The following PDZD8 variants were observed in gnomAD, a reference collection of about 807,000 sequenced individuals.
PDZD8 encodes the protein PDZ domain-containing protein 8.
A neutral mutation model predicts 85.8 loss-of-function variants in PDZD8; 14 were observed. The observed-to-expected ratio is 0.16, with a 90% CI of 0.11 to 0.26. The LOEUF is 0.26. PDZD8 is among the 10% of genes least tolerant of loss of function. The pLI, the probability that PDZD8 is intolerant of heterozygous loss-of-function variation, is 1.00. For missense variants in PDZD8, 1,197 were observed against 1,424.3 expected, an observed-to-expected ratio of 0.84 and a Z score of 2.57; for synonymous variants, 592 against 568.6, an observed-to-expected ratio of 1.04 and a Z score of -0.59.
chr10:117,343,033 T>C (rs1411025362), intron 1 of PDZD8, among the ~76,000 whole-genome samples: 1 of 150,982 alleles, frequency 6.6e-6, no homozygotes, highest in Non-Finnish European at 1.5e-5. Flanking sequence ...TGCCTTAAAA[T>C]GTCAAATATG....
chr10:117,348,409 A>C (rs1052725574), intron 1 of PDZD8, among the ~76,000 whole-genome samples: 1 of 152,208 alleles, frequency 6.6e-6, no homozygotes, highest in Non-Finnish European at 1.5e-5. Context: ...AAACAGTCTT[A>C]AGAGATCTCA....
At chr10:117,327,721 C>A (rs1325914524) in intron 2 of PDZD8, among the ~76,000 whole-genome samples, 1 of 152,314 alleles carries the variant, frequency 6.6e-6, no homozygotes, top group Middle Eastern at 3.4e-3. Context: ...TTAGGGTACA[C>A]ATTGCTTCAC....
At position 117,341,015 on chromosome 10, in the gene PDZD8, T is replaced by G; in HGVS notation, c.960A>C (p.Glu320Asp). Residue 320 changes from glutamate to aspartate, a missense_variant, in exon 2 of 5, where the codon GAA (glutamate) becomes GAC (aspartate). Around this residue, in one of 4 missense-constraint regions of PDZD8, gnomAD observed 344 missense variants for 453.6 expected, o/e 0.76. Transcript: ENST00000334464. ...CTAACAACGTAACTTTAAGACGGCC[T>G]TCAGTAAGTGCCCATTGTTGTATAT... Reference protein sequence around the residue: ...HIHIQQWALTEGRLKVTLLEC... With the variant: ...HIHIQQWALTDGRLKVTLLEC... 1 of 1,614,028 alleles carries G rather than the reference T, an allele frequency of 6.2e-7. No homozygotes were observed. Among genetic ancestry groups the G allele is most frequent in the African/African-American group, 1.3e-5 (1 of 75,030 alleles).
At chr10:117,361,360 C>G (rs1844996476) in intron 1 of PDZD8, among the ~76,000 whole-genome samples, 1 of 152,158 alleles carries the variant, frequency 6.6e-6, no homozygotes. Context: ...TCCCTGTTAG[C>G]ACTAACTGTC....
At position 117,284,988 on chromosome 10, in the gene PDZD8, G is replaced by T; in HGVS notation, c.1745C>A (p.Thr582Asn). 2 of 1,614,116 alleles carry T rather than the reference G, an allele frequency of 1.2e-6. No homozygotes were observed. The highest frequency in any genetic ancestry group is 1.3e-5 in the African/African-American group (1 of 75,000). ...ITDPAQVSKP[T>N]QGSAFKPPVP... ...AGGTGGTTTGAAAGCAGATCCTTGG[G>T]TTGGTTTTGACACTTGTGCTGGGTC... Residue 582 changes from threonine (T) to asparagine (N), a missense_variant, in exon 5 of 5, where the codon ACC becomes AAC. Transcript: ENST00000334464.
chr10:117,364,481 A>C (rs201428816), intron 1 of PDZD8, among the ~76,000 whole-genome samples: 1 of 90,938 alleles, frequency 1.1e-5, no homozygotes, highest in Non-Finnish European at 2.0e-5. Flanking sequence ...ACACACACGC[A>C]CACACACACA....
chr10:117,328,959 G>A (rs935237210), intron 2 of PDZD8, among the ~76,000 whole-genome samples: 9 of 152,146 alleles, frequency 5.9e-5, no homozygotes, highest in African/African-American at 2.2e-4. Context: ...AGTTCCCACT[G>A]GAAACGTGAG....
At chr10:117,305,511 CACACAT>C (rs1301926595) in intron 3 of PDZD8, among the ~76,000 whole-genome samples, 21 of 120,624 alleles carry the variant, frequency 1.7e-4, no homozygotes, top group Admixed American at 1.2e-3. Context: ...CACACACACA[CACACAT>C]ATATGGAGAG....
chr10:117,287,242 A>C (rs1438075915), intron 4 of PDZD8, among the ~76,000 whole-genome samples: 2 of 151,980 alleles, frequency 1.3e-5, no homozygotes, highest in Non-Finnish European at 2.9e-5. Context: ...TTTCCACAAC[A>C]CTTTACACAA....
chr10:117,294,377 G>A lies in PDZD8; in HGVS notation c.1099-4029C>T, dbSNP rs569368616. Among the ~76,000 whole-genome samples the A allele has an allele frequency of 1.8e-3, 267 of 151,260 alleles. 1 individual carries two copies. The highest frequency in any genetic ancestry group is 3.5e-3 in the Middle Eastern group (1 of 284). ...AACAAATATTGACAAGGATGTGGAA[G>A]AAGAGGAACTCCTATACACTGTTAG... On this transcript the variant is annotated intron_variant, in intron 3 of 4. Coordinates refer to ENST00000334464, the MANE Select transcript of PDZD8 (RefSeq NM_173791.5).
At chr10:117,318,106 A>C (rs943703192) in intron 3 of PDZD8, among the ~76,000 whole-genome samples, 9 of 152,354 alleles carry the variant, frequency 5.9e-5, no homozygotes, top group African/African-American at 2.2e-4. Flanking sequence ...ACTTAGCAGG[A>C]TTTTGACTGT....
At position 117,374,594 on chromosome 10, in the gene PDZD8, A is replaced by G. The variant is rs1845257719; in HGVS notation, c.634T>C (p.Phe212Leu). Reference protein sequence around the residue: ...FHLAIDVDLVFGKSAYLFVKL... With the variant: ...FHLAIDVDLVLGKSAYLFVKL... ...ACAAACAAGTAGGCGGACTTGCCGA[A>G]GACCAGGTCCACGTCGATGGCCAGG... is the stretch of plus-strand genomic sequence containing the variant. Residue 212 changes from phenylalanine to leucine, a missense_variant, in exon 1 of 5, where the codon TTC becomes CTC. Transcript: ENST00000334464. This position sits in a 1 kb window ranked among gnomAD's most constrained non-coding sequence, Gnocchi z 7.8. The G allele has an allele frequency of 1.3e-6, 2 of 1,592,078 alleles. No homozygotes were observed. Among genetic ancestry groups the G allele is most frequent in the African/African-American group, 2.7e-5 (2 of 74,738 alleles).
intron 2 of PDZD8, among the ~76,000 whole-genome samples, chr10:117,329,890 G>T (rs1280221843): frequency 2.7e-5 from 4 of 149,900 alleles, no homozygotes; most frequent in Non-Finnish European, 5.9e-5. Context: ...AGGTTGCAGT[G>T]AGGCAAGACC....
At position 117,284,827 on chromosome 10, in the gene PDZD8, C is replaced by T; in HGVS notation, c.1906G>A (p.Ala636Thr). The change falls in exon 5 of 5, where the codon GCA (alanine) becomes ACA (threonine). Residue 636 changes from alanine (A) to threonine (T), a missense_variant. This residue lies in a region of PDZD8 where 263 missense variants were observed against 261.9 expected (regional missense o/e 1.00). Coordinates refer to ENST00000334464, the MANE Select transcript of PDZD8 (RefSeq NM_173791.5). Reference sequence around the variant, plus strand: ...TCGTCTATGGCATCCACATTTTTTGCTTGCTTTTCAGCAGATTTATCTACA... The same window carrying T: ...TCGTCTATGGCATCCACATTTTTTGTTTGCTTTTCAGCAGATTTATCTACA... Reference protein sequence around the residue: ...PLVDKSAEKQAKNVDAIDDAA... With the variant: ...PLVDKSAEKQTKNVDAIDDAA... The T allele has an allele frequency of 6.2e-7, 1 of 1,614,166 alleles. No homozygotes were observed. The highest frequency in any genetic ancestry group is 8.5e-7 in the Non-Finnish European group (1 of 1,180,018).
chr10:117,313,351 T>C (rs186828161), intron 3 of PDZD8, among the ~76,000 whole-genome samples: 3 of 152,308 alleles, frequency 2.0e-5, no homozygotes, highest in African/African-American at 7.2e-5. Context: ...TGACCAGGTT[T>C]GGGATATATG....
intron 3 of PDZD8, among the ~76,000 whole-genome samples, chr10:117,302,632 T>C (rs557575874): frequency 6.6e-6 from 1 of 152,328 alleles, no homozygotes; most frequent in African/African-American, 2.4e-5. Flanking sequence ...TGTGCCTTGG[T>C]ATCTGATATG....
chr10:117,310,820 G>T (rs987213502), intron 3 of PDZD8, among the ~76,000 whole-genome samples: 1 of 152,056 alleles, frequency 6.6e-6, no homozygotes, highest in Non-Finnish European at 1.5e-5. Context: ...TGGTTAAATA[G>T]GAGCACCAAA....
At chr10:117,319,080 T>A (rs2133810311) in intron 2 of PDZD8, 106 bp from the exon 3 acceptor site, 1 of 742,160 alleles carries the variant, frequency 1.3e-6, no homozygotes, top group Non-Finnish European at 2.2e-6. Flanking sequence ...CCATTACTAT[T>A]ATAGCTTTAG....
chr10:117,283,208 CTG>C lies in PDZD8; in HGVS notation c.*58_*59del, dbSNP rs900195514. The C allele has an allele frequency of 1.3e-5, 19 of 1,481,780 alleles. No homozygotes were observed. The African/African-American group carries it at 2.4e-4, about 19-fold the overall frequency. The allele number at this position is 1,481,780 out of a possible 1,614,324, so 91.8% of individuals were successfully genotyped here. ...TACGAGGATTTAAACATGGTTGTATCTGTGGTACTTTAGATGCAACTTTACCC... is the reference window on the plus strand; with the variant it reads ...TACGAGGATTTAAACATGGTTGTATCTGGTACTTTAGATGCAACTTTACCC... On this transcript the variant is annotated 3_prime_UTR_variant, in exon 5 of 5. Transcript: ENST00000334464.
Sources: gnomAD v4.1 joint callset for allele counts (sites outside exome capture counted in the v4.1 genomes callset) on GRCh38, gnomAD v4.1.1 for gene constraint, gnomAD v4.1.1 regional missense constraint, Gnocchi (gnomAD v3.1) non-coding constraint, MANE v1.5 for transcripts, NCBI Gene and HGNC (gene_info 2026-07-23, HGNC 2026-07-21) for gene names.